Variants in ZCWPW2 observed in about 807,000 individuals in gnomAD.
ZCWPW2 encodes zinc finger CW-type and PWWP domain containing 2, also known as zinc finger CW-type PWWP domain protein 2.
In ZCWPW2, 45 loss-of-function variants were observed where a neutral mutation model predicts 46.6. The observed-to-expected ratio is 0.96, with a 90% CI of 0.76 to 1.24. The LOEUF is 1.24. Ranked by LOEUF, ZCWPW2 falls within the 50% of genes most tolerant of loss-of-function variation. The probability of loss-of-function intolerance (pLI) is 0.00; values close to 1 mark genes in which losing one functional copy is unlikely to be tolerated. For missense variants in ZCWPW2, 429 were observed against 403.9 expected, an observed-to-expected ratio of 1.06 and a Z score of -0.53; for synonymous variants, 152 against 137.1, an observed-to-expected ratio of 1.11 and a Z score of -0.76.
At chr3:28,422,236 A>C (rs1185000628) in intron 3 of ZCWPW2, among the ~76,000 whole-genome samples, 4 of 152,170 alleles carry the variant, frequency 2.6e-5, no homozygotes, top group Non-Finnish European at 5.9e-5. Flanking sequence ...AGTTTACATT[A>C]GGATTCATTC....
intron 8 of ZCWPW2, among the ~76,000 whole-genome samples, chr3:28,517,017 T>A (rs1206159447): frequency 6.6e-6 from 1 of 152,146 alleles, no homozygotes; most frequent in Non-Finnish European, 1.5e-5. Context: ...TAGTTATTTT[T>A]AAAAAATAAC....
chr3:28,471,307 A>G (rs13080155), intron 4 of ZCWPW2, among the ~76,000 whole-genome samples: 33,759 of 152,152 alleles, frequency 0.22, 4,288 homozygotes, highest in Middle Eastern at 0.29. Flanking sequence ...ATCAAAAAAG[A>G]AAACTACAGG....
At chr3:28,424,760 C>A (rs1472517879) in intron 3 of ZCWPW2, among the ~76,000 whole-genome samples, 1 of 152,126 alleles carries the variant, frequency 6.6e-6, no homozygotes, top group Non-Finnish European at 1.5e-5. Flanking sequence ...GCCTTTGTTA[C>A]TGAGGGCTTT....
At chr3:28,375,369 A>C (rs1196245176) in intron 1 of ZCWPW2, among the ~76,000 whole-genome samples, 1 of 152,000 alleles carries the variant, frequency 6.6e-6, no homozygotes, top group African/African-American at 2.4e-5. Context: ...GTAAGGACTT[A>C]ACTACTGCCA....
intron 6 of ZCWPW2, among the ~76,000 whole-genome samples, chr3:28,500,177 G>A (rs1015607821): frequency 6.6e-6 from 1 of 151,880 alleles, no homozygotes; most frequent in Non-Finnish European, 1.5e-5. Context: ...TGCAAATGCC[G>A]TAATTGTCAT....
chr3:28,500,270 A>G (rs1407700885), intron 6 of ZCWPW2, among the ~76,000 whole-genome samples: 3 of 152,102 alleles, frequency 2.0e-5, no homozygotes, highest in Admixed American at 6.6e-5. Flanking sequence ...AGTAAAAGAA[A>G]TCTATATACT....
chr3:28,422,744 T>G (rs1423827207), intron 3 of ZCWPW2, among the ~76,000 whole-genome samples: 2 of 152,142 alleles, frequency 1.3e-5, no homozygotes, highest in African/African-American at 4.8e-5. Flanking sequence ...AGGACTGCAA[T>G]TGCTGGACAG....
chr3:28,394,387 A>G (rs934124308), intron 2 of ZCWPW2, among the ~76,000 whole-genome samples: 10 of 152,174 alleles, frequency 6.6e-5, no homozygotes, highest in Non-Finnish European at 1.3e-4. Context: ...TCAAAATTCC[A>G]GTAGCATTTT....
intron 1 of ZCWPW2, among the ~76,000 whole-genome samples, chr3:28,355,753 G>T (rs1704708556): frequency 6.6e-6 from 1 of 152,336 alleles, no homozygotes; most frequent in Admixed American, 6.5e-5. Flanking sequence ...ATGAGGAAAG[G>T]ATTCCCTATT....
intron 3 of ZCWPW2, among the ~76,000 whole-genome samples, chr3:28,421,596 G>A (rs1030257887): frequency 3.3e-5 from 5 of 152,030 alleles, no homozygotes; most frequent in African/African-American, 1.2e-4. Context: ...ACTCACTGGT[G>A]TTTCTGGGTT....
chr3:28,382,055 G>C (rs568443068), intron 1 of ZCWPW2, among the ~76,000 whole-genome samples: 1 of 151,726 alleles, frequency 6.6e-6, no homozygotes, highest in South Asian at 2.1e-4. Context: ...CCATCTACTC[G>C]GGAGGCTGAG....
At chr3:28,414,576 T>G (rs1022646966) in intron 3 of ZCWPW2, among the ~76,000 whole-genome samples, 4 of 146,374 alleles carry the variant, frequency 2.7e-5, no homozygotes, top group African/African-American at 7.6e-5. Flanking sequence ...CATTTAGCGT[T>G]AGGTATATCT....
rs1705081256 is a variant in ZCWPW2 at position 28,365,166 on chromosome 3, T to C, written c.-134+15963T>C. Reference sequence around the variant, plus strand: ...CTTTAGTTTAATTAGATCCCATTTGTCAATTTTGGCTTTTGTTGCCATTGC... The same window carrying C: ...CTTTAGTTTAATTAGATCCCATTTGCCAATTTTGGCTTTTGTTGCCATTGC... On this transcript the variant is annotated intron_variant, in intron 1 of 9. Coordinates refer to ENST00000383768, the MANE Select transcript of ZCWPW2 (RefSeq NM_001040432.4). Among the ~76,000 whole-genome samples, 4 of 150,458 alleles carry C rather than the reference T, an allele frequency of 2.7e-5. No individual in the cohort carries two copies. The South Asian group carries it at 8.5e-4, about 32-fold the overall frequency.
chr3:28,413,433 T>G (rs191624014), intron 3 of ZCWPW2, 33 bp downstream of exon 3: 54 of 1,534,182 alleles, frequency 3.5e-5, no homozygotes, highest in Non-Finnish European at 2.7e-6. Context: ...ACTTTTGAAA[T>G]GTAGTCTTGC....
chr3:28,489,706 C>A (rs922225618), intron 5 of ZCWPW2, among the ~76,000 whole-genome samples: 6 of 146,320 alleles, frequency 4.1e-5, no homozygotes, highest in African/African-American at 1.3e-4. Flanking sequence ...ACACACACAC[C>A]CCATGTCTAC....
At chr3:28,354,954 C>G (rs182895894) in intron 1 of ZCWPW2, among the ~76,000 whole-genome samples, 28,957 of 133,820 alleles carry the variant, frequency 0.22, 3,655 homozygotes, top group Non-Finnish European at 0.28. Context: ...AGACAGGGAT[C>G]CCCTCTCTCA....
intron 4 of ZCWPW2, among the ~76,000 whole-genome samples, chr3:28,465,409 T>C (rs1414476079): frequency 6.6e-6 from 1 of 152,202 alleles, no homozygotes; most frequent in Non-Finnish European, 1.5e-5. Flanking sequence ...TATGATAATG[T>C]CTAAAAGAGC....
At chr3:28,485,936 A>G (rs1054081027) in intron 5 of ZCWPW2, among the ~76,000 whole-genome samples, 36 of 151,896 alleles carry the variant, frequency 2.4e-4, no homozygotes, top group African/African-American at 7.7e-4. Context: ...CCCTCTTGAC[A>G]TATCAATTAT....
intron 9 of ZCWPW2, among the ~76,000 whole-genome samples, chr3:28,522,870 C>A (rs1448386401): frequency 6.6e-6 from 1 of 151,992 alleles, no homozygotes; most frequent in East Asian, 1.9e-4. Flanking sequence ...ACAAATTATT[C>A]TTTTTCAGCA....
Sources: gnomAD v4.1 joint callset for allele counts (sites outside exome capture counted in the v4.1 genomes callset) on GRCh38, gnomAD v4.1.1 for gene constraint, MANE v1.5 for transcripts, NCBI Gene and HGNC (gene_info 2026-07-23, HGNC 2026-07-21) for gene names.